The following DNAH3 variants were observed in gnomAD, a reference collection of about 807,000 sequenced individuals.
The protein encoded by DNAH3 is axonemal beta dynein heavy chain 3.
In DNAH3, 332 loss-of-function variants were observed where a neutral mutation model predicts 432.5. The observed-to-expected ratio is 0.77, with a 90% confidence interval of 0.70 to 0.84. The LOEUF (loss-of-function observed/expected upper bound fraction) is 0.84, where lower values mean the gene tolerates loss of function less well. Ranked by LOEUF, DNAH3 falls within the 40% of genes least tolerant of loss-of-function variation. The pLI is 0.00. For synonymous variants in DNAH3, 1,956 were observed against 1,900.2 expected (o/e 1.03, Z -0.76); for missense variants, 4,861 against 5,114.0 (o/e 0.95, Z 1.51).
rs186334946 is a variant in DNAH3, at chr16:20,961,201, G to A, written c.10601-1797C>T. 2.1e-3 allele frequency among the ~76,000 whole-genome samples: 314 copies of A among 152,294 alleles called. 6 individuals are homozygous for A. The South Asian group carries it at 0.049, about 24-fold the overall frequency. On this transcript the variant is annotated intron_variant, in intron 53 of 61. Transcript: ENST00000261383. ...ATCGTGTCCCTAGCAAAATTCATAT[G>A]TTGAAGTCCTAATTCCAGGTACCTC...
intron 53 of DNAH3, among the ~76,000 whole-genome samples, chr16:20,962,953 C>T (rs1339243283): frequency 2.0e-5 from 3 of 152,204 alleles, no homozygotes; most frequent in Admixed American, 1.3e-4. Context: ...GCCACCTCTC[C>T]GGAACCCTCA....
At chr16:21,025,560 CATT>C (rs1307436369) in intron 38 of DNAH3, among the ~76,000 whole-genome samples, 4 of 149,242 alleles carry the variant, frequency 2.7e-5, no homozygotes, top group Non-Finnish European at 5.9e-5. Context: ...GATATAATTA[CATT>C]ATTACATTAT....
At chr16:21,060,424 A>AC in intron 25 of DNAH3, 68 bp from the exon 26 acceptor site, 1 of 1,215,720 alleles carries the variant, frequency 8.2e-7, no homozygotes, top group South Asian at 1.2e-5. Context: ...AGTGGGCAGA[A>AC]CACAGCTTTC....
chr16:21,029,937 C>T (rs2088787384), intron 37 of DNAH3, among the ~76,000 whole-genome samples: 1 of 152,118 alleles, frequency 6.6e-6, no homozygotes, highest in Non-Finnish European at 1.5e-5. Context: ...GATCCTCACA[C>T]CTCAGCCTCC....
chr16:21,025,310 A>G (rs2088487147), intron 38 of DNAH3, among the ~76,000 whole-genome samples: 1 of 149,896 alleles, frequency 6.7e-6, no homozygotes, highest in Non-Finnish European at 1.5e-5. Context: ...TGTTATAGAT[A>G]ATATTTTGAT....
intron 51 of DNAH3, among the ~76,000 whole-genome samples, chr16:20,974,567 C>CT (rs1203423620): frequency 7.4e-6 from 1 of 134,604 alleles, no homozygotes; most frequent in Non-Finnish European, 1.6e-5. Context: ...CTACACCTGG[C>CT]TGTTTTATAG....
At chr16:20,982,192 T>C (rs1332632996) in intron 49 of DNAH3, among the ~76,000 whole-genome samples, 2 of 151,984 alleles carry the variant, frequency 1.3e-5, no homozygotes, top group Non-Finnish European at 2.9e-5. Context: ...GAGACCACCC[T>C]GGCCAACATG....
intron 43 of DNAH3, among the ~76,000 whole-genome samples, chr16:20,999,279 C>T (rs2086904398): frequency 6.6e-6 from 1 of 152,024 alleles, no homozygotes; most frequent in African/African-American, 2.4e-5. Context: ...GATTTGAAAC[C>T]AGATCTGTTT....
At chr16:20,988,729 CACTG>C (rs770161385) in intron 44 of DNAH3, among the ~76,000 whole-genome samples, 2 of 152,250 alleles carry the variant, frequency 1.3e-5, no homozygotes, top group Non-Finnish European at 2.9e-5. Flanking sequence ...TTCTTAGTCT[CACTG>C]ACTTCAAAAA....
At chr16:21,114,096 A>G (rs953706569) in intron 12 of DNAH3, among the ~76,000 whole-genome samples, 2 of 152,246 alleles carry the variant, frequency 1.3e-5, no homozygotes, top group African/African-American at 2.4e-5. Context: ...ATGTAAAAAT[A>G]AAAGTTATAT....
At chr16:20,960,239 T>A (rs943200710) in intron 53 of DNAH3, among the ~76,000 whole-genome samples, 3 of 152,224 alleles carry the variant, frequency 2.0e-5, no homozygotes, top group African/African-American at 7.2e-5. Flanking sequence ...ATATCACCAT[T>A]GGAAAATACT....
Position 21,083,176 on chromosome 16 carries a change from C to T in DNAH3, c.2878-1449G>A, listed in dbSNP as rs142831817. Among the ~76,000 whole-genome samples the T allele has an allele frequency of 7.1e-3, 1,074 of 151,906 alleles. 5 individuals are homozygous for T. Among genetic ancestry groups the T allele is most frequent in the African/African-American group, 0.012 (508 of 41,446 alleles). The stretch of plus-strand genomic sequence containing the variant: ...GATTACAGGCGCATGGCACCACGCC[C>T]GGCTAATTTTTGTATTTTTAGTAGA... On this transcript the variant is annotated intron_variant, in intron 19 of 61. Transcript: ENST00000261383.
At chr16:20,964,059 C>T (rs1180983084) in exon 53 of DNAH3, 1 of 1,614,208 alleles carries the variant, frequency 6.2e-7, no homozygotes, top group Admixed American at 1.7e-5. Flanking sequence ...CTTTCTGTTT[C>T]TCTGAGATCT....
chr16:21,086,554 G>A (rs1180284444), intron 19 of DNAH3, among the ~76,000 whole-genome samples: 2 of 152,136 alleles, frequency 1.3e-5, no homozygotes, highest in East Asian at 1.9e-4. Context: ...GCCTCCAAAA[G>A]CCCATCTGCT....
At chr16:21,076,063 G>A (rs1028455652) in intron 20 of DNAH3, among the ~76,000 whole-genome samples, 11 of 152,036 alleles carry the variant, frequency 7.2e-5, no homozygotes, top group African/African-American at 2.4e-4. Flanking sequence ...TCTCACCCTT[G>A]GCACCGTTGA....
At chr16:21,151,818 T>C (rs1341345102) in intron 1 of DNAH3, among the ~76,000 whole-genome samples, 1 of 152,180 alleles carries the variant, frequency 6.6e-6, no homozygotes, top group African/African-American at 2.4e-5. Context: ...ACTGTGAAGT[T>C]CTCTCAAAAC....
chr16:21,043,236 G>A (rs2089529360), intron 31 of DNAH3, among the ~76,000 whole-genome samples: 1 of 150,858 alleles, frequency 6.6e-6, no homozygotes, highest in Admixed American at 6.6e-5. Context: ...AGATCCCTGA[G>A]GAGTCGCCAC....
exon 37 of DNAH3, chr16:21,031,095 C>A (rs776053278): frequency 6.2e-7 from 1 of 1,614,148 alleles, no homozygotes; most frequent in Non-Finnish European, 8.5e-7. Context: ...CAAATAGCAT[C>A]CACTGGCCCA....
At chr16:21,104,622 G>C (rs1207171602) in intron 15 of DNAH3, 28 bp from the exon 16 acceptor site, 3 of 1,364,302 alleles carry the variant, frequency 2.2e-6, no homozygotes, top group African/African-American at 1.4e-5. Flanking sequence ...CCTGCTCCAG[G>C]ACACTGTTTA....
Sources: allele counts gnomAD v4.1 joint callset (sites outside exome capture counted in the v4.1 genomes callset), GRCh38; gene constraint gnomAD v4.1.1; transcripts MANE v1.5; gene names NCBI Gene and HGNC (gene_info 2026-07-23, HGNC 2026-07-21).